NIM1K: variants seen among roughly 807,000 people sequenced by gnomAD.
NIM1K encodes serine/threonine-protein kinase NIM1.
In NIM1K, 35 loss-of-function variants were observed where a neutral mutation model predicts 37.1. The observed-to-expected ratio is 0.94, with a 90% confidence interval of 0.72 to 1.25. NIM1K has a LOEUF of 1.25. NIM1K is among the 50% of genes most tolerant of loss of function. NIM1K has a pLI of 0.00. For missense variants in NIM1K, 564 were observed against 548.0 expected (o/e 1.03, Z -0.29); for synonymous variants, 234 against 206.6 (o/e 1.13, Z -1.14).
At chr5:43,276,184 C>T (rs10079530) in intron 2 of NIM1K, among the ~76,000 whole-genome samples, 8,325 of 152,172 alleles carry the variant, frequency 0.055, 486 homozygotes, top group African/African-American at 0.15. Flanking sequence ...TGAGCTGCCG[C>T]GCCCAGCCAA....
chr5:43,263,815 G>A (rs561805220), intron 2 of NIM1K, among the ~76,000 whole-genome samples: 16 of 152,278 alleles, frequency 1.1e-4, no homozygotes, highest in Admixed American at 3.9e-4. Flanking sequence ...ATTCTGGTAC[G>A]TTGTGTCTGT....
At chr5:43,264,150 A>G (rs112765545) in intron 2 of NIM1K, among the ~76,000 whole-genome samples, 8 of 152,134 alleles carry the variant, frequency 5.3e-5, no homozygotes, top group African/African-American at 1.9e-4. Flanking sequence ...CGTGGTGCAG[A>G]GCTGAGTTCA....
chr5:43,274,248 C>T (rs1218665527), intron 2 of NIM1K, among the ~76,000 whole-genome samples: 1 of 152,176 alleles, frequency 6.6e-6, no homozygotes, highest in Non-Finnish European at 1.5e-5. Context: ...AAAAAGAAAA[C>T]TAGGGTGGTG....
rs1045419468 is a variant in NIM1K, at chr5:43,269,768, G to A, written c.293-7289G>A. Among the ~76,000 whole-genome samples, 9 of 151,888 alleles carry A rather than the reference G, an allele frequency of 5.9e-5. 1 individual carries two copies. Among genetic ancestry groups the A allele is most frequent in the East Asian group, 3.9e-4 (2 of 5,154 alleles). Reference sequence around the variant, plus strand: ...CGAGTAGCTGGGACTACAGACACCCGCCACTACGCCTGGCTAATTTTTTGT... The same window carrying A: ...CGAGTAGCTGGGACTACAGACACCCACCACTACGCCTGGCTAATTTTTTGT... On this transcript the variant is annotated intron_variant, in intron 2 of 3. Coordinates refer to ENST00000326035, the MANE Select transcript of NIM1K (RefSeq NM_153361.4).
chr5:43,199,204 A>AAAAAAAAAAAAT (rs1200134957), intron 1 of NIM1K, among the ~76,000 whole-genome samples: 46 of 94,062 alleles, frequency 4.9e-4, no homozygotes, highest in Middle Eastern at 6.4e-3. Flanking sequence ...AAAAAAAAAA[A>AAAAAAAAAAAAT]ATATATATAT....
intron 2 of NIM1K, among the ~76,000 whole-genome samples, chr5:43,270,112 C>G (rs776791530): frequency 9.9e-5 from 15 of 152,136 alleles, no homozygotes; most frequent in Non-Finnish European, 2.1e-4. Context: ...ATTTATGAAA[C>G]TTAGTTTTGC....
intron 2 of NIM1K, among the ~76,000 whole-genome samples, chr5:43,263,257 T>C (rs1160724615): frequency 6.6e-6 from 1 of 152,246 alleles, no homozygotes; most frequent in East Asian, 1.9e-4. Context: ...TTTTGGTTGG[T>C]AGGCTATTAA....
intron 2 of NIM1K, among the ~76,000 whole-genome samples, chr5:43,251,920 C>T (rs776642004): frequency 1.2e-4 from 18 of 152,246 alleles, no homozygotes; most frequent in East Asian, 7.7e-4. Flanking sequence ...AGGGCATGCC[C>T]GTGTCAGTGA....
At position 43,262,857 on chromosome 5, in the gene NIM1K, T is replaced by C. The variant is rs1307920621; in HGVS notation, c.293-14200T>C. Among the ~76,000 whole-genome samples, 5 of 152,272 alleles carry C rather than the reference T, an allele frequency of 3.3e-5. No individual in the cohort carries two copies. In the East Asian group the frequency reaches 9.6e-4, roughly 29 times the overall value. On this transcript the variant is annotated intron_variant, in intron 2 of 3. Transcript: ENST00000326035. ...TGTCAAAGACCTTTTCTGCATCTAT[T>C]GAGATAATCATGTGGTTTTTGTCTT... is the stretch of plus-strand genomic sequence containing the variant.
In NIM1K at chr5:43,231,469, C is replaced by T. The variant is rs115405092; in HGVS notation, c.-694-13613C>T. ...CCCTGCAAGCATCATAATATTGAAT[C>T]GTTTACCTTTTCCCAGTGGTCTCAA... On this transcript the variant is annotated intron_variant, in intron 1 of 3. Transcript: ENST00000326035. 5.0e-3 allele frequency among the ~76,000 whole-genome samples: 766 copies of T among 152,238 alleles called. 2 individuals carry two copies. The highest frequency in any genetic ancestry group is 0.012 in the African/African-American group (497 of 41,516).
intron 2 of NIM1K, among the ~76,000 whole-genome samples, chr5:43,258,850 T>A (rs1000695700): frequency 4.6e-5 from 7 of 152,124 alleles, no homozygotes; most frequent in Admixed American, 4.6e-4. Flanking sequence ...TGGTGAAATC[T>A]TAGATTTTAG....
At chr5:43,266,585 C>T (rs1753165679) in intron 2 of NIM1K, among the ~76,000 whole-genome samples, 1 of 152,206 alleles carries the variant, frequency 6.6e-6, no homozygotes, top group African/African-American at 2.4e-5. Context: ...AGGCGATGCC[C>T]TGCCCTAGTT....
chr5:43,244,685 G>T (rs544888710), intron 1 of NIM1K, among the ~76,000 whole-genome samples: 4 of 152,080 alleles, frequency 2.6e-5, no homozygotes, highest in Non-Finnish European at 4.4e-5. Context: ...AAGTAGTAAA[G>T]GAGATAAAAT....
At position 43,222,209 on chromosome 5, in the gene NIM1K, T is replaced by G. The variant is rs150513772; in HGVS notation, c.-694-22873T>G. 6.6e-3 allele frequency among the ~76,000 whole-genome samples: 1,000 copies of G among 152,320 alleles called. 9 individuals carry two copies. Among genetic ancestry groups the G allele is most frequent in the African/African-American group, 0.023 (963 of 41,566 alleles). On this transcript the variant is annotated intron_variant, in intron 1 of 3. Transcript: ENST00000326035. Reference sequence around the variant, plus strand: ...GATTGTCAGCTCCCTTTGTGAATTCTGAGCAGGATGTCCAATCACTGAAGG... The same window carrying G: ...GATTGTCAGCTCCCTTTGTGAATTCGGAGCAGGATGTCCAATCACTGAAGG...
chr5:43,196,621 C>G (rs566802494), intron 1 of NIM1K, among the ~76,000 whole-genome samples: 1 of 151,344 alleles, frequency 6.6e-6, no homozygotes, highest in Non-Finnish European at 1.5e-5. Flanking sequence ...GGCGACAGAG[C>G]GAGACTCTGT....
At chr5:43,276,793 G>A (rs958962539) in intron 2 of NIM1K, among the ~76,000 whole-genome samples, 3 of 152,210 alleles carry the variant, frequency 2.0e-5, no homozygotes. Flanking sequence ...TCCGGGCTTA[G>A]CAAAGGAGCT....
intron 2 of NIM1K, among the ~76,000 whole-genome samples, chr5:43,252,961 C>T (rs1340463464): frequency 6.7e-6 from 1 of 148,900 alleles, no homozygotes; most frequent in Non-Finnish European, 1.5e-5. Flanking sequence ...TTAATTCATT[C>T]TTTCCTTCCT....
intron 1 of NIM1K, chr5:43,233,241 A>G: frequency 2.8e-6 from 2 of 706,150 alleles, no homozygotes; most frequent in East Asian, 2.8e-5. Context: ...TTACAGTGCG[A>G]CTCTTAGGTG....
chr5:43,207,127 T>G (rs1752126232), intron 1 of NIM1K: 3 of 721,680 alleles, frequency 4.2e-6, no homozygotes, highest in Non-Finnish European at 5.2e-6. Context: ...AAGATTCATC[T>G]TATCAAAATA....
Sources: allele counts gnomAD v4.1 joint callset (sites outside exome capture counted in the v4.1 genomes callset), GRCh38; gene constraint gnomAD v4.1.1; transcripts MANE v1.5; gene names NCBI Gene and HGNC (gene_info 2026-07-23, HGNC 2026-07-21).